Variants in BTG4 observed in about 807,000 individuals in gnomAD.
BTG4 encodes the protein BTG anti-proliferation factor 4.
In BTG4, 10 loss-of-function variants were observed where a neutral mutation model predicts 19.3. The ratio of observed to expected loss-of-function variants is 0.52; its 90% CI spans 0.32 to 0.88. The LOEUF is 0.88. Ranked by LOEUF, BTG4 falls within the 40% of genes least tolerant of loss-of-function variation. The pLI is 0.04. For synonymous variants in BTG4, 91 were observed against 95.7 expected (o/e 0.95, Z 0.29); for missense variants, 238 against 281.9 (o/e 0.84, Z 1.11).
Position 111,497,297 on chromosome 11 carries a change from A to G in BTG4, c.424T>C (p.Ser142Pro). 2.5e-6 allele frequency: 4 copies of G among 1,610,474 alleles called. No homozygotes were observed. Among genetic ancestry groups the G allele is most frequent in the Non-Finnish European group, 3.4e-6 (4 of 1,178,784 alleles). Residue 142 changes from serine (S) to proline (P), a missense_variant, in exon 4 of 5, where the codon TCC becomes CCC. Ser to Pro is a moderately conservative substitution (Grantham distance 74). Transcript: ENST00000692032. The part of the protein sequence containing the change: ...YAVSRASSDV[S>P]SGTSCDEESC... ...TCTTCATCGCAGGAAGTGCCAGAGGAAACGTCTGATGAGGCTCTACTAACG... is the reference window on the plus strand; with the variant it reads ...TCTTCATCGCAGGAAGTGCCAGAGGGAACGTCTGATGAGGCTCTACTAACG...
chr11:111,448,409 T>C, the BTG4 span: 1 of 152,686 alleles, frequency 6.5e-6, no homozygotes, highest in Non-Finnish European at 1.5e-5. Context: ...TCCTGGAAGC[T>C]AAGTCTTAGT....
the BTG4 span, chr11:111,449,393 T>A: frequency 6.6e-6 from 1 of 151,062 alleles, no homozygotes; most frequent in African/African-American, 2.4e-5. Flanking sequence ...GCCAATGGGC[T>A]GTGTCCAGTG....
downstream of BTG4, among the ~76,000 whole-genome samples, chr11:111,490,676 A>G (rs927441539): frequency 1.3e-5 from 2 of 152,220 alleles, no homozygotes; most frequent in Admixed American, 6.5e-5. Context: ...CAACATCACT[A>G]GCCATGAGGG....
the BTG4 span, chr11:111,450,462 G>A: frequency 2.0e-5 from 3 of 152,660 alleles, no homozygotes; most frequent in African/African-American, 7.2e-5. Flanking sequence ...GAGCTGGACA[G>A]ATGGAGGCCA....
intron 1 of BTG4, among the ~76,000 whole-genome samples, chr11:111,506,120 C>T (rs1217183828): frequency 2.0e-5 from 3 of 152,138 alleles, no homozygotes; most frequent in Admixed American, 6.5e-5. Context: ...AATCCCACTA[C>T]TGGGTATCTA....
intron 1 of BTG4, among the ~76,000 whole-genome samples, chr11:111,503,688 C>T (rs1272064432): frequency 6.6e-6 from 1 of 152,150 alleles, no homozygotes; most frequent in African/African-American, 2.4e-5. Flanking sequence ...AGTGAAGCAA[C>T]ATACACATAT....
At chr11:111,478,377 G>A (rs1028429721) in intron 5 of BTG4, among the ~76,000 whole-genome samples, 1 of 151,976 alleles carries the variant, frequency 6.6e-6, no homozygotes, top group Admixed American at 6.6e-5. Flanking sequence ...ACTGGAATAG[G>A]GTCAAAGGAA....
chr11:111,404,900 C>T, the BTG4 span, among the ~76,000 whole-genome samples: 2 of 152,198 alleles, frequency 1.3e-5, no homozygotes, highest in African/African-American at 4.8e-5. Context: ...ATCTTGTTAT[C>T]TTATTCTGTG....
the BTG4 span, among the ~76,000 whole-genome samples, chr11:111,403,318 G>C: frequency 9.0e-4 from 137 of 152,340 alleles, no homozygotes; most frequent in African/African-American, 3.2e-3. Flanking sequence ...AAACACTTCT[G>C]TTGTTTTCCT....
At chr11:111,390,360 A>C in the BTG4 span, among the ~76,000 whole-genome samples, 2 of 152,216 alleles carry the variant, frequency 1.3e-5, no homozygotes, top group Non-Finnish European at 2.9e-5. Flanking sequence ...TAGAGCTTAC[A>C]TTCCAGTGGA....
the BTG4 span, among the ~76,000 whole-genome samples, chr11:111,393,752 GA>G: frequency 6.6e-6 from 1 of 152,184 alleles, no homozygotes; most frequent in Non-Finnish European, 1.5e-5. Flanking sequence ...ACTTTATGCT[GA>G]TTGAACTCTG....
downstream of BTG4, among the ~76,000 whole-genome samples, chr11:111,493,394 A>G (rs1334948742): frequency 6.6e-6 from 1 of 152,218 alleles, no homozygotes; most frequent in Non-Finnish European, 1.5e-5. Context: ...ACAAGGGCAG[A>G]AGGTAGGGAG....
At chr11:111,462,458 G>A in the BTG4 span, 1 of 152,486 alleles carries the variant, frequency 6.6e-6, no homozygotes, top group Non-Finnish European at 1.5e-5. Context: ...CCTAGGCTCA[G>A]ATCCCCACAG....
chr11:111,490,975 G>A (rs911797374), downstream of BTG4, among the ~76,000 whole-genome samples: 19 of 152,232 alleles, frequency 1.2e-4, no homozygotes, highest in East Asian at 5.8e-4. Context: ...AGAAACAATC[G>A]GTTGTTCTTT....
chr11:111,467,577 G>C (rs935733509), exon 6 of BTG4: 10 of 704,400 alleles, frequency 1.4e-5, no homozygotes, highest in African/African-American at 7.3e-5. Flanking sequence ...TCACCCTGAA[G>C]ATTTCTTCTC....
chr11:111,504,401 G>A (rs1424217080), intron 1 of BTG4, among the ~76,000 whole-genome samples: 2 of 152,006 alleles, frequency 1.3e-5, no homozygotes, highest in African/African-American at 4.8e-5. Flanking sequence ...TTTTAGTGCA[G>A]CCTAATCAAA....
the BTG4 span, among the ~76,000 whole-genome samples, chr11:111,439,030 G>A: frequency 2.0e-5 from 3 of 152,168 alleles, no homozygotes; most frequent in Admixed American, 1.3e-4. Context: ...TGACTAGCAC[G>A]TGGGCTGCCC....
Position 111,469,231 on chromosome 11 carries a change from T to G in BTG4, c.663-1550A>C, listed in dbSNP as rs1013177082. 5.3e-5 allele frequency: 8 copies of G among 152,212 alleles called. No individual in the cohort carries two copies. The East Asian group carries it at 1.5e-3, about 29-fold the overall frequency. 9.4% of individuals were successfully genotyped at this position (152,212 alleles called of 1,614,324 possible). On this transcript the variant is annotated intron_variant, in intron 5 of 5. Coordinates refer to the BTG4 transcript ENST00000356018. ...AAACACACTGTTCATTGGGAGAGAATGTTTGGCCTCTGTGGGAAGCTTTGT... is the reference window on the plus strand; with the variant it reads ...AAACACACTGTTCATTGGGAGAGAAGGTTTGGCCTCTGTGGGAAGCTTTGT...
chr11:111,401,053 T>TAAAAAA, the BTG4 span: 87 of 82,144 alleles, frequency 1.1e-3, 3 homozygotes, highest in African/African-American at 4.3e-3. Context: ...ACCTGGAGCA[T>TAAAAAA]AAAAAAAAAA....
Sources: allele counts gnomAD v4.1 joint callset (sites outside exome capture counted in the v4.1 genomes callset), GRCh38; gene constraint gnomAD v4.1.1; transcripts MANE v1.5; gene names NCBI Gene and HGNC (gene_info 2026-07-23, HGNC 2026-07-21).